Variants in ATP11C observed in about 807,000 individuals in gnomAD.
ATP11C encodes ATPase phospholipid transporting 11C (ATP11C blood group).
In ATP11C, 36 loss-of-function variants were observed where a neutral mutation model predicts 97.4. The ratio of observed to expected loss-of-function variants is 0.37; its 90% confidence interval spans 0.28 to 0.49. The LOEUF (loss-of-function observed/expected upper bound fraction) is 0.49. ATP11C is among the 20% of genes least tolerant of loss of function. The pLI, the probability that ATP11C is intolerant of heterozygous loss-of-function variation, is 0.98. For missense variants in ATP11C, 730 were observed against 824.6 expected (o/e 0.89, Z 1.40); for synonymous variants, 275 against 290.9 (o/e 0.95, Z 0.56).
At chrX:139,873,771 T>A (rs80209274) in intron 1 of ATP11C, among the ~76,000 whole-genome samples, 4 of 99,000 alleles carry the variant, frequency 4.0e-5, no homozygotes, top group Non-Finnish European at 6.0e-5. Flanking sequence ...TACTACAATT[T>A]AAAAAAAAAA....
intron 26 of ATP11C, among the ~76,000 whole-genome samples, chrX:139,742,248 G>A (rs2081571956): frequency 1.8e-5 from 2 of 111,269 alleles, no homozygotes; most frequent in Admixed American, 1.9e-4. Context: ...CCTCCTAAGT[G>A]CTTTATTCAC....
intron 22 of ATP11C, among the ~76,000 whole-genome samples, chrX:139,760,234 G>A (rs1469420328): frequency 9.0e-6 from 1 of 111,697 alleles, no homozygotes; most frequent in Non-Finnish European, 1.9e-5. Flanking sequence ...TAGGATGTTT[G>A]TGAGGATTAC....
chrX:139,854,423 C>T (rs1407225430), intron 1 of ATP11C, among the ~76,000 whole-genome samples: 2 of 111,258 alleles, frequency 1.8e-5, no homozygotes, highest in Non-Finnish European at 3.8e-5. Context: ...GAAGGAAGTT[C>T]GCTTTGGAAA....
At chrX:139,876,400 G>C (rs1382003465) in intron 1 of ATP11C, among the ~76,000 whole-genome samples, 1 of 112,352 alleles carries the variant, frequency 8.9e-6, no homozygotes, top group Non-Finnish European at 1.9e-5. Flanking sequence ...ACCTTAGGCA[G>C]AAAGTGCGGC....
rs184325548 is a variant in ATP11C, at chrX:139,753,707, C to T, written c.2701-3555G>A. On this transcript the variant is annotated intron_variant, in intron 23 of 29. Transcript: ENST00000682941. ...CCTGTAATCTCAGCTACTTGGGAGG[C>T]TGAGGCAGGAGAAATCACCTGAACC... Among the ~76,000 whole-genome samples the T allele has an allele frequency of 7.1e-3, 792 of 110,869 alleles. 8 individuals are homozygous for T. The highest frequency in any genetic ancestry group is 0.025 in the African/African-American group (747 of 30,483).
intron 1 of ATP11C, among the ~76,000 whole-genome samples, chrX:139,833,661 T>G (rs1018529124): frequency 9.0e-6 from 1 of 110,998 alleles, no homozygotes; most frequent in Admixed American, 9.6e-5. Context: ...GCACTCCAGC[T>G]TGGGCAACAG....
intron 1 of ATP11C, among the ~76,000 whole-genome samples, chrX:139,849,410 T>C (rs2083956767): frequency 9.0e-6 from 1 of 111,702 alleles, no homozygotes; most frequent in Admixed American, 9.5e-5. Context: ...TCTTCTCCCC[T>C]TCCCTCTATA....
At chrX:139,815,646 G>A (rs2083271481) in intron 4 of ATP11C, among the ~76,000 whole-genome samples, 1 of 112,090 alleles carries the variant, frequency 8.9e-6, no homozygotes, top group African/African-American at 3.2e-5. Context: ...ATCTAAAGTA[G>A]ATTTAAGCCA....
In ATP11C at chrX:139,914,347, T is replaced by C. The variant is rs1024246375; in HGVS notation, c.27+17669A>G. Among the ~76,000 whole-genome samples the C allele has an allele frequency of 3.6e-5, 4 of 112,398 alleles. No homozygotes were observed. The Admixed American group carries it at 3.8e-4, about 11-fold the overall frequency. ...ATCTAGCAGCCCAAGCCCTTTATTT[T>C]ACAGATGGGAAGTCTAGCAAACTAC... On this transcript the variant is annotated intron_variant, in intron 1 of 29. Transcript: ENST00000682941.
Position 139,798,166 on chromosome X carries a change from T to C in ATP11C, c.857+107A>G, listed in dbSNP as rs764371867. 2.5e-5 allele frequency: 16 copies of C among 647,850 alleles called. No homozygotes were observed. The South Asian group carries it at 3.6e-4, about 15-fold the overall frequency. 53.4% of individuals were successfully genotyped at this position (647,850 alleles called of 1,213,427 possible). On this transcript the variant is annotated intron_variant, in intron 10 of 29. Transcript: ENST00000682941. Reference sequence around the variant, plus strand: ...CATAAACAAGTGCTTAAAATTGTAGTTGCTATTATAATTGATGTTGTTTTT... The same window carrying C: ...CATAAACAAGTGCTTAAAATTGTAGCTGCTATTATAATTGATGTTGTTTTT...
At chrX:139,816,470 C>A (rs901086320) in intron 4 of ATP11C, among the ~76,000 whole-genome samples, 21 of 112,079 alleles carry the variant, frequency 1.9e-4, no homozygotes, top group African/African-American at 6.5e-4. Context: ...AAGGAAAAAA[C>A]AAGAAAATTA....
At chrX:139,731,803 C>T (rs1342551770) in intron 28 of ATP11C, 48 bp from the exon 29 acceptor site, 2 of 857,132 alleles carry the variant, frequency 2.3e-6, no homozygotes. Flanking sequence ...AATTGGTTAA[C>T]CTACCTGGTG....
chrX:139,836,439 T>C (rs1603396581), intron 1 of ATP11C, among the ~76,000 whole-genome samples: 1 of 109,291 alleles, frequency 9.1e-6, no homozygotes, highest in South Asian at 4.0e-4. Context: ...CGCTTGAGCC[T>C]GGGAGCCGGA....
chrX:139,739,604 T>C (rs774957627), intron 27 of ATP11C, among the ~76,000 whole-genome samples: 1 of 112,043 alleles, frequency 8.9e-6, no homozygotes, highest in East Asian at 2.8e-4. Context: ...AGATTAACAT[T>C]TCATTTTTAG....
At chrX:139,740,481 C>G (rs1042787141) in intron 27 of ATP11C, among the ~76,000 whole-genome samples, 1 of 111,654 alleles carries the variant, frequency 9.0e-6, no homozygotes, top group African/African-American at 3.3e-5. Flanking sequence ...CCCTCCTCCA[C>G]CAAAACAGTA....
chrX:139,839,421 G>C (rs1411694196), intron 1 of ATP11C, among the ~76,000 whole-genome samples: 1 of 112,185 alleles, frequency 8.9e-6, no homozygotes, highest in Non-Finnish European at 1.9e-5. Context: ...TTGCCTAATA[G>C]TGGGTCACAA....
chrX:139,749,595 G>A (rs1437514557), intron 24 of ATP11C, among the ~76,000 whole-genome samples: 1 of 111,789 alleles, frequency 8.9e-6, no homozygotes, highest in Non-Finnish European at 1.9e-5. Context: ...AAGGTGGGGT[G>A]TGGGGCGGCT....
chrX:139,863,822 G>A, intron 1 of ATP11C, among the ~76,000 whole-genome samples: 1 of 111,848 alleles, frequency 8.9e-6, no homozygotes, highest in Non-Finnish European at 1.9e-5. Flanking sequence ...AGCACTGTAG[G>A]AGGCTGAGGT....
chrX:139,736,048 C>T, intron 28 of ATP11C, among the ~76,000 whole-genome samples: 1 of 111,888 alleles, frequency 8.9e-6, no homozygotes, highest in Non-Finnish European at 1.9e-5. Context: ...TAGAATTCTT[C>T]CTACGCTGGA....
Sources: allele counts gnomAD v4.1 joint callset (sites outside exome capture counted in the v4.1 genomes callset), GRCh38; gene constraint gnomAD v4.1.1; transcripts MANE v1.5; gene names NCBI Gene and HGNC (gene_info 2026-07-23, HGNC 2026-07-21).